The following HTR4 variants were observed in gnomAD, a reference collection of about 807,000 sequenced individuals.
HTR4 encodes 5-hydroxytryptamine (serotonin) receptor 4, G protein-coupled.
A neutral mutation model predicts 36.8 loss-of-function variants in HTR4; 16 were observed. The ratio of observed to expected loss-of-function variants is 0.43; its 90% CI spans 0.29 to 0.66. HTR4 has a LOEUF of 0.66. Ranked by LOEUF, HTR4 falls within the 30% of genes least tolerant of loss-of-function variation. HTR4 has a pLI of 0.13. For synonymous variants in HTR4, 189 were observed against 185.1 expected, an observed-to-expected ratio of 1.02 and a Z score of -0.17; for missense variants, 438 against 490.9, an observed-to-expected ratio of 0.89 and a Z score of 1.02.
chr5:148,463,893 T>A (rs1048890995), intron 5 of HTR4, among the ~76,000 whole-genome samples: 3 of 151,962 alleles, frequency 2.0e-5, no homozygotes, highest in Admixed American at 1.3e-4. Context: ...GACAAAGAGA[T>A]CAGTGAAACA....
rs1236173173 is a variant in HTR4 at position 148,485,117 on chromosome 5, C to G, written c.1077-1824G>C. Among the ~76,000 whole-genome samples, 4 of 152,054 alleles carry G rather than the reference C, an allele frequency of 2.6e-5. No individual in the cohort carries two copies. In the East Asian group the frequency reaches 7.7e-4, roughly 29 times the overall value. On this transcript the variant is annotated intron_variant, in intron 6 of 6. Coordinates refer to ENST00000377888, the MANE Select transcript of HTR4 (RefSeq NM_000870.7). ...ATTTCTCATCTCTCATTGGCCAAAT[C>G]CCCTTTGTATCATATTTGTTATTAT...
At chr5:148,626,623 C>T (rs572175614) in intron 2 of HTR4, among the ~76,000 whole-genome samples, 2 of 152,118 alleles carry the variant, frequency 1.3e-5, no homozygotes, top group African/African-American at 4.8e-5. Flanking sequence ...CAGTTTTAAC[C>T]TTTGGATACT....
chr5:148,522,297 A>T (rs1758060344), intron 5 of HTR4, among the ~76,000 whole-genome samples: 2 of 151,878 alleles, frequency 1.3e-5, no homozygotes, highest in African/African-American at 2.4e-5. Flanking sequence ...AGCCTTATAG[A>T]CTCTCCACAT....
At position 148,612,907 on chromosome 5, in the gene HTR4, C is replaced by T. The variant is rs1392000831; in HGVS notation, c.26+24082G>A. On this transcript the variant is annotated intron_variant, in intron 2 of 6. Transcript: ENST00000377888. ...TCAGAGAATACTACAAACACCTCTA[C>T]GCAAATAAACGAGAAAATCTAGAAG... Among the ~76,000 whole-genome samples, 55 of 150,318 alleles carry T rather than the reference C, an allele frequency of 3.7e-4. No homozygotes were observed. In the South Asian group the frequency reaches 4.3e-3, roughly 12 times the overall value.
intron 6 of HTR4, among the ~76,000 whole-genome samples, chr5:148,498,725 A>G (rs1756798100): frequency 6.6e-6 from 1 of 152,230 alleles, no homozygotes; most frequent in Non-Finnish European, 1.5e-5. Flanking sequence ...GTATGTTCTG[A>G]AAACCATAGG....
Position 148,535,731 on chromosome 5 carries a change from G to C in HTR4, c.354-12385C>G, listed in dbSNP as rs188348476. Among the ~76,000 whole-genome samples the C allele has an allele frequency of 2.6e-5, 4 of 152,224 alleles. No homozygotes were observed. The East Asian group carries it at 7.7e-4, about 29-fold the overall frequency. On this transcript the variant is annotated intron_variant, in intron 4 of 6. Transcript: ENST00000377888. Reference sequence around the variant, plus strand: ...TAAGGAAAACCTCTGAGAAGTATAGGATTATGAAAAGAGGCCAAATCTACA... The same window carrying C: ...TAAGGAAAACCTCTGAGAAGTATAGCATTATGAAAAGAGGCCAAATCTACA...
At chr5:148,481,307 G>A (rs1318360969), downstream of HTR4, among the ~76,000 whole-genome samples, 3 of 152,234 alleles carry the variant, frequency 2.0e-5, no homozygotes, top group Non-Finnish European at 4.4e-5. Flanking sequence ...GTCAGAGTCA[G>A]GGTGTAAGTT....
intron 4 of HTR4, among the ~76,000 whole-genome samples, chr5:148,536,399 T>C (rs1443413324): frequency 6.6e-6 from 1 of 151,282 alleles, no homozygotes; most frequent in Non-Finnish European, 1.5e-5. Context: ...TAACCATGAA[T>C]GTAAATGGAT....
At chr5:148,458,085 ATATAT>A (rs1319932842) in intron 5 of HTR4, among the ~76,000 whole-genome samples, 12 of 50,148 alleles carry the variant, frequency 2.4e-4, no homozygotes, top group African/African-American at 4.8e-4. Context: ...AGATCTTAAA[ATATAT>A]TATATTTTAA....
In HTR4 at chr5:148,510,014, C is replaced by T. The variant is rs199889746; in HGVS notation, c.518G>A (p.Arg173Lys). Residue 173 changes from arginine (R) to lysine (K), a missense_variant, in exon 6 of 7, where the codon AGG becomes AAG. Physicochemically the swap from Arg to Lys is conservative, Grantham distance 26. Transcript: ENST00000377888. ...NIGIIDLIEKRKFNQNSNSTY... is the reference protein window; with the variant it reads ...NIGIIDLIEKKKFNQNSNSTY... The stretch of plus-strand genomic sequence containing the variant: ...AGAGTTAGAGTTCTGGTTGAACTTC[C>T]TCTTTTCTATCTGAGAGTTGGAGGG... 1.2e-4 allele frequency: 190 copies of T among 1,608,862 alleles called. No individual in the cohort carries two copies. The highest frequency in any genetic ancestry group is 1.6e-4 in the Middle Eastern group (1 of 6,064).
intron 5 of HTR4, among the ~76,000 whole-genome samples, chr5:148,469,966 C>G (rs1214499485): frequency 6.6e-6 from 1 of 152,118 alleles, no homozygotes; most frequent in Non-Finnish European, 1.5e-5. Context: ...AGAGGGAGAT[C>G]ACAACAGCAA....
intron 6 of HTR4, chr5:148,484,423 G>A (rs1297427483): frequency 6.4e-7 from 1 of 1,573,700 alleles, no homozygotes. Context: ...TTATACAACA[G>A]TGAATCTTAC....
chr5:148,484,108 C>T, intron 6 of HTR4: 1 of 659,288 alleles, frequency 1.5e-6, no homozygotes, highest in Non-Finnish European at 2.5e-6. Flanking sequence ...TTATTTAGCA[C>T]CCACTCAAAC....
At chr5:148,542,111 A>G (rs1759144774) in intron 4 of HTR4, among the ~76,000 whole-genome samples, 1 of 152,236 alleles carries the variant, frequency 6.6e-6, no homozygotes, top group East Asian at 1.9e-4. Context: ...AGAACAACTC[A>G]TAGTAATTAG....
At chr5:148,596,668 C>T (rs1761789512) in intron 2 of HTR4, among the ~76,000 whole-genome samples, 1 of 151,448 alleles carries the variant, frequency 6.6e-6, no homozygotes, top group South Asian at 2.1e-4. Context: ...TGCCAAATGT[C>T]CCCTGGTGGT....
chr5:148,488,872 A>G (rs1476317672), intron 6 of HTR4, among the ~76,000 whole-genome samples: 1 of 152,198 alleles, frequency 6.6e-6, no homozygotes, highest in Non-Finnish European at 1.5e-5. Flanking sequence ...CCATGTTTCA[A>G]TACACCAAAG....
intron 4 of HTR4, among the ~76,000 whole-genome samples, chr5:148,545,396 A>G (rs1393391897): frequency 6.6e-6 from 1 of 152,240 alleles, no homozygotes; most frequent in African/African-American, 2.4e-5. Flanking sequence ...TTTAATTGTC[A>G]ACCTCCCCAT....
intron 5 of HTR4, among the ~76,000 whole-genome samples, chr5:148,468,491 G>C (rs1353886317): frequency 6.6e-5 from 10 of 152,252 alleles, no homozygotes; most frequent in African/African-American, 2.2e-4. Context: ...TCCCACCATA[G>C]GGATCCATAG....
chr5:148,516,883 T>C lies in HTR4; in HGVS notation c.507+6310A>G, dbSNP rs908240743. 6.6e-5 allele frequency among the ~76,000 whole-genome samples: 10 copies of C among 152,232 alleles called. No individual in the cohort carries two copies. In the East Asian group the frequency reaches 9.7e-4, roughly 15 times the overall value. The stretch of plus-strand genomic sequence containing the variant: ...ATATGAAAAGAACACCTCAATCATG[T>C]TTAGGTTATGTTTAATGCATTACTT... On this transcript the variant is annotated intron_variant, in intron 5 of 6. Transcript: ENST00000377888.
Sources: allele counts gnomAD v4.1 joint callset (sites outside exome capture counted in the v4.1 genomes callset), GRCh38; gene constraint gnomAD v4.1.1; transcripts MANE v1.5; gene names NCBI Gene and HGNC (gene_info 2026-07-23, HGNC 2026-07-21).